Variants in SLC16A4 observed in about 807,000 individuals in gnomAD.
SLC16A4 encodes probable monocarboxylate transporter 5.
A neutral mutation model predicts 47.9 loss-of-function variants in SLC16A4; 39 were observed. The ratio of observed to expected loss-of-function variants is 0.81; its 90% CI spans 0.63 to 1.06. The LOEUF (loss-of-function observed/expected upper bound fraction) is 1.06. Among genes scored for constraint, SLC16A4 ranks in the 50% least tolerant of loss-of-function variants. The pLI, the probability that SLC16A4 is intolerant of heterozygous loss-of-function variation, is 0.00. For synonymous variants in SLC16A4, 189 were observed against 199.9 expected (o/e 0.95, Z 0.46); for missense variants, 524 against 573.8 (o/e 0.91, Z 0.89).
At chr1:110,385,289 G>A (rs1433446095) in intron 2 of SLC16A4, among the ~76,000 whole-genome samples, 2 of 152,192 alleles carry the variant, frequency 1.3e-5, no homozygotes, top group Non-Finnish European at 2.9e-5. Flanking sequence ...TTAAGCTTCC[G>A]CTTTTATGAT....
chr1:110,363,804 C>CAA lies in SLC16A4; in HGVS notation c.1424_1425dup (p.Val476LeufsTer12). 6.3e-7 allele frequency: 1 copy of CAA among 1,578,746 alleles called. No individual in the cohort carries two copies. Reference sequence around the variant, plus strand: ...TTTTTCCATCTTTCGGCCAATGGTACAAAAAAAAAGGAAACTGAAGAGAGG... The same window carrying CAA: ...TTTTTCCATCTTTCGGCCAATGGTACAAAAAAAAAAAGGAAACTGAAGAGAGG... On this transcript the variant is annotated frameshift_variant, in exon 9 of 9. Coordinates refer to ENST00000369779, the MANE Select transcript of SLC16A4 (RefSeq NM_004696.3). LOFTEE classifies it high-confidence loss of function.
chr1:110,379,318 C>T lies in SLC16A4; in HGVS notation c.565G>A (p.Val189Met). 1 of 1,606,188 alleles carries T rather than the reference C, an allele frequency of 6.2e-7. No homozygotes were observed. Among genetic ancestry groups the T allele is most frequent in the Non-Finnish European group, 8.5e-7 (1 of 1,173,582 alleles). ...GGTCTTAAGAGCATACTAGAAGGCACCAAATTCAATGCGATAGCTCCAAAT... is the reference window on the plus strand; with the variant it reads ...GGTCTTAAGAGCATACTAGAAGGCATCAAATTCAATGCGATAGCTCCAAAT... Reference protein sequence around the residue: ...ILFGAIALNLVPSSMLLRPIH... With the variant: ...ILFGAIALNLMPSSMLLRPIH... The change falls in exon 6 of 9, where the codon GTG becomes ATG. Residue 189 changes from valine to methionine, a missense_variant. Val to Met is a conservative substitution (Grantham distance 21). Coordinates refer to ENST00000369779, the MANE Select transcript of SLC16A4 (RefSeq NM_004696.3).
chr1:110,379,015 G>C lies in SLC16A4; in HGVS notation c.868C>G (p.Leu290Val). 6.2e-7 allele frequency: 1 copy of C among 1,614,186 alleles called. No homozygotes were observed. The change falls in exon 6 of 9, where the codon CTG becomes GTG. Residue 290 changes from leucine to valine, a missense_variant. By Grantham distance (32) the Leu-to-Val change is conservative. Transcript: ENST00000369779. ...TTTCTAAAGAGAGAAATGTCAAACA[G>C]TTGTTTGCAGCTCCACGAAATAACC... ...DKVISWSCKQ[L>V]FDISLFRNPF...
At chr1:110,365,208 C>T (rs1661314690) in intron 8 of SLC16A4, among the ~76,000 whole-genome samples, 1 of 152,048 alleles carries the variant, frequency 6.6e-6, no homozygotes, top group East Asian at 1.9e-4. Context: ...ATGAAAATAT[C>T]TGCCCTCATG....
chr1:110,372,311 G>A (rs986073318), intron 8 of SLC16A4: 4 of 152,160 alleles, frequency 2.6e-5, no homozygotes, highest in African/African-American at 9.7e-5. Context: ...TTTTATAGGA[G>A]TTTCAACTTT....
At position 110,377,015 on chromosome 1, in the gene SLC16A4, T is replaced by C; in HGVS notation, c.1177A>G (p.Met393Val). The C allele has an allele frequency of 6.2e-7, 1 of 1,613,842 alleles. No individual in the cohort carries two copies. The highest frequency in any genetic ancestry group is 1.1e-5 in the South Asian group (1 of 91,056). ...APLATTFPLL[M>V]TYTICFAIFA... is the part of the protein sequence containing the mutation. ...ATGGCAAAGCAGATGGTGTAGGTCA[T>C]AAGTAGTGGAAATGTGGTGGCTAAA... Residue 393 changes from methionine to valine, a missense_variant, in exon 7 of 9, where the codon ATG (methionine) becomes GTG (valine). By Grantham distance (21) the Met-to-Val change is conservative. Coordinates refer to ENST00000369779, the MANE Select transcript of SLC16A4 (RefSeq NM_004696.3).
At chr1:110,382,442 G>A (rs886683427) in intron 3 of SLC16A4, among the ~76,000 whole-genome samples, 15 of 151,886 alleles carry the variant, frequency 9.9e-5, no homozygotes, top group African/African-American at 4.8e-5. Flanking sequence ...CTGGGCAACA[G>A]AGTGAGACTG....
At chr1:110,377,975 G>A (rs191682897) in intron 6 of SLC16A4, among the ~76,000 whole-genome samples, 171 of 152,062 alleles carry the variant, frequency 1.1e-3, no homozygotes, top group African/African-American at 3.9e-3. Context: ...TACTACAGGC[G>A]CCCGCAACCA....
chr1:110,379,451 C>A (rs968203140), intron 5 of SLC16A4, 95 bp from the exon 6 acceptor site: 1 of 1,147,448 alleles, frequency 8.7e-7, no homozygotes, highest in Admixed American at 2.5e-5. Context: ...CTGGCATAGC[C>A]CATTAATTCT....
At chr1:110,376,604 C>T (rs1166273066) in intron 7 of SLC16A4, among the ~76,000 whole-genome samples, 2 of 152,154 alleles carry the variant, frequency 1.3e-5, no homozygotes, top group Admixed American at 6.5e-5. Flanking sequence ...TCTCAGGGAT[C>T]TTTTCTTTAA....
At chr1:110,374,127 TC>T (rs773506520) in intron 8 of SLC16A4, among the ~76,000 whole-genome samples, 2 of 150,206 alleles carry the variant, frequency 1.3e-5, no homozygotes, top group Non-Finnish European at 3.0e-5. Flanking sequence ...GCAACCTCTG[TC>T]CCCCGGGTTC....
chr1:110,378,203 G>A lies in SLC16A4; in HGVS notation c.1030+650C>T, dbSNP rs577574914. Among the ~76,000 whole-genome samples the A allele has an allele frequency of 7.2e-5, 11 of 152,282 alleles. No homozygotes were observed. In the East Asian group the frequency reaches 1.7e-3, roughly 24 times the overall value. On this transcript the variant is annotated intron_variant, in intron 6 of 8. Coordinates refer to ENST00000369779, the MANE Select transcript of SLC16A4 (RefSeq NM_004696.3). ...AGTCCATAAGTGACTAGCCTTAAAAGTCATATTTATCTGTTTTACTATGAG... is the reference window on the plus strand; with the variant it reads ...AGTCCATAAGTGACTAGCCTTAAAAATCATATTTATCTGTTTTACTATGAG...
chr1:110,371,942 T>C (rs1229556222), intron 8 of SLC16A4: 1 of 152,148 alleles, frequency 6.6e-6, no homozygotes, highest in Non-Finnish European at 1.5e-5. Flanking sequence ...AAAGATCTTA[T>C]AAAGAATTTT....
chr1:110,385,122 T>C (rs1240437463), intron 2 of SLC16A4, among the ~76,000 whole-genome samples: 1 of 152,206 alleles, frequency 6.6e-6, no homozygotes, highest in Non-Finnish European at 1.5e-5. Flanking sequence ...ATCTGCTCCC[T>C]GGACAATCAT....
intron 2 of SLC16A4, among the ~76,000 whole-genome samples, chr1:110,383,516 G>A (rs1287059418): frequency 6.6e-6 from 1 of 152,180 alleles, no homozygotes; most frequent in African/African-American, 2.4e-5. Context: ...GTGGAAGGGT[G>A]GAGGGGGACC....
intron 8 of SLC16A4, chr1:110,372,798 T>G (rs1482172418): frequency 1.3e-5 from 2 of 152,216 alleles, no homozygotes; most frequent in Non-Finnish European, 2.9e-5. Context: ...TAAGTAATAG[T>G]CTCTGAATTA....
At position 110,363,595 on chromosome 1, in the gene SLC16A4, C is replaced by T. The variant is rs1368718281; in HGVS notation, c.*171G>A. The T allele has an allele frequency of 7.4e-6, 4 of 537,778 alleles. No homozygotes were observed. Among genetic ancestry groups the T allele is most frequent in the Non-Finnish European group, 1.2e-5 (4 of 344,450 alleles). 33.3% of individuals were successfully genotyped at this position (537,778 alleles called of 1,614,324 possible). Reference sequence around the variant, plus strand: ...GAGCCGAGATTGCGCCACTGCACTCCAGCCTGGGCGAAAGAGCGAGACTCC... The same window carrying T: ...GAGCCGAGATTGCGCCACTGCACTCTAGCCTGGGCGAAAGAGCGAGACTCC... On this transcript the variant is annotated 3_prime_UTR_variant, in exon 9 of 9. Coordinates refer to ENST00000369779, the MANE Select transcript of SLC16A4 (RefSeq NM_004696.3).
chr1:110,384,092 C>G (rs1469362360), intron 2 of SLC16A4, among the ~76,000 whole-genome samples: 9 of 152,052 alleles, frequency 5.9e-5, no homozygotes, highest in Non-Finnish European at 1.3e-4. Flanking sequence ...GATTTGAACC[C>G]AGATTAGACT....
At chr1:110,376,172 C>T (rs572475754) in intron 7 of SLC16A4, among the ~76,000 whole-genome samples, 3 of 152,276 alleles carry the variant, frequency 2.0e-5, no homozygotes, top group South Asian at 2.1e-4. Flanking sequence ...CCACCACGCC[C>T]GGCCAGACGG....
Sources: gnomAD v4.1 joint callset for allele counts (sites outside exome capture counted in the v4.1 genomes callset) on GRCh38, gnomAD v4.1.1 for gene constraint, MANE v1.5 for transcripts, NCBI Gene and HGNC (gene_info 2026-07-23, HGNC 2026-07-21) for gene names.